SGCD: variants seen among roughly 807,000 people sequenced by gnomAD.
SGCD encodes the protein delta-sarcoglycan.
In SGCD, 18 loss-of-function variants were observed where a neutral mutation model predicts 36.6. The observed-to-expected ratio is 0.49, with a 90% CI of 0.34 to 0.73. The LOEUF is 0.73. SGCD is among the 30% of genes least tolerant of loss of function. The pLI is 0.01. For synonymous variants in SGCD, 133 were observed against 130.6 expected (o/e 1.02, Z -0.12); for missense variants, 387 against 346.7 (o/e 1.12, Z -0.92).
chr5:156,237,193 A>G (rs181429970), intron 3 of SGCD, among the ~76,000 whole-genome samples: 2 of 152,352 alleles, frequency 1.3e-5, no homozygotes, highest in Non-Finnish European at 2.9e-5. Flanking sequence ...GCTATTTTAT[A>G]TCTAAAAGTA....
intron 1 of SGCD, among the ~76,000 whole-genome samples, chr5:155,931,001 T>C (rs895403245): frequency 2.0e-5 from 3 of 152,170 alleles, no homozygotes; most frequent in Non-Finnish European, 2.9e-5. Context: ...TCTCATGAAT[T>C]GTTGCCAAAG....
intron 7 of SGCD, among the ~76,000 whole-genome samples, chr5:156,712,489 C>T (rs1219275989): frequency 2.0e-5 from 3 of 152,158 alleles, no homozygotes; most frequent in South Asian, 2.1e-4. Context: ...CTATACCAAT[C>T]GACTTCTGTA....
intron 3 of SGCD, among the ~76,000 whole-genome samples, chr5:156,229,307 G>A (rs1207932110): frequency 2.3e-4 from 2 of 8,690 alleles, no homozygotes; most frequent in East Asian, 6.3e-3. Context: ...TATAAAATTA[G>A]TTCTTCCATT....
At chr5:155,758,499 A>T in the SGCD span, among the ~76,000 whole-genome samples, 2 of 152,228 alleles carry the variant, frequency 1.3e-5, no homozygotes, top group Non-Finnish European at 2.9e-5. Context: ...GCCCAGGGTT[A>T]TGGACTGGTA....
chr5:156,683,762 G>A (rs1378061946), intron 7 of SGCD, among the ~76,000 whole-genome samples: 1 of 152,144 alleles, frequency 6.6e-6, no homozygotes, highest in East Asian at 1.9e-4. Flanking sequence ...TTAACTCTTG[G>A]ATGCTCAGTT....
At chr5:156,497,020 G>A (rs256840) in intron 3 of SGCD, among the ~76,000 whole-genome samples, 6 of 151,978 alleles carry the variant, frequency 3.9e-5, no homozygotes, top group African/African-American at 1.5e-4. Context: ...TCTTGACTAC[G>A]TAAATGTTCA....
chr5:155,767,548 G>A, the SGCD span, among the ~76,000 whole-genome samples: 6 of 151,492 alleles, frequency 4.0e-5, no homozygotes, highest in African/African-American at 1.5e-4. Flanking sequence ...AGGAACAGCA[G>A]TTTTGAAGAT....
chr5:155,842,334 G>T, the SGCD span, among the ~76,000 whole-genome samples: 1 of 150,912 alleles, frequency 6.6e-6, no homozygotes, highest in Admixed American at 6.6e-5. Context: ...CAGCCCTTTG[G>T]GAGACTGAGG....
At chr5:155,862,791 C>T in the SGCD span, among the ~76,000 whole-genome samples, 1 of 152,128 alleles carries the variant, frequency 6.6e-6, no homozygotes, top group African/African-American at 2.4e-5. Flanking sequence ...ATAACTTGTC[C>T]ACATACCTTT....
chr5:156,008,894 A>G lies in SGCD; in HGVS notation c.-281-108984A>G, dbSNP rs188882727. ...TTGCTTTCTCATTAATGAATTAAAT[A>G]AAATCTTCAGCACATGTTCAGTCTA... is the stretch of plus-strand genomic sequence containing the variant. On this transcript the variant is annotated intron_variant, in intron 1 of 9. Coordinates refer to the SGCD transcript ENST00000517913. Among the ~76,000 whole-genome samples the G allele has an allele frequency of 1.2e-3, 184 of 152,354 alleles. 1 individual carries two copies. Among genetic ancestry groups the G allele is most frequent in the African/African-American group, 4.3e-3 (180 of 41,588 alleles).
At chr5:156,390,575 A>G (rs1771511196) in intron 3 of SGCD, among the ~76,000 whole-genome samples, 1 of 152,176 alleles carries the variant, frequency 6.6e-6, no homozygotes, top group South Asian at 2.1e-4. Context: ...TACTAAATAC[A>G]AAAGATCAGC....
At chr5:156,629,887 G>A (rs1429329847) in intron 6 of SGCD, among the ~76,000 whole-genome samples, 2 of 123,760 alleles carry the variant, frequency 1.6e-5, no homozygotes, top group Non-Finnish European at 3.3e-5. Flanking sequence ...TTTAGATGGA[G>A]TTTCACTCTT....
At chr5:156,049,882 A>G (rs1759871914) in intron 1 of SGCD, among the ~76,000 whole-genome samples, 1 of 146,556 alleles carries the variant, frequency 6.8e-6, no homozygotes. Flanking sequence ...AACTGGAATT[A>G]GAAGTAGAGC....
chr5:156,421,198 T>C (rs908703799), intron 3 of SGCD, among the ~76,000 whole-genome samples: 4 of 152,118 alleles, frequency 2.6e-5, no homozygotes, highest in Admixed American at 1.3e-4. Context: ...AAAATGGAGA[T>C]AGCCTAATTT....
intron 1 of SGCD, among the ~76,000 whole-genome samples, chr5:156,075,681 G>A (rs1005133187): frequency 3.9e-5 from 6 of 152,180 alleles, no homozygotes; most frequent in Non-Finnish European, 8.8e-5. Context: ...AGACTTAAGA[G>A]TCCTTTGTAA....
At chr5:156,002,607 C>T (rs1397689062) in intron 1 of SGCD, among the ~76,000 whole-genome samples, 4 of 152,142 alleles carry the variant, frequency 2.6e-5, no homozygotes, top group African/African-American at 9.7e-5. Context: ...CAGAATATGC[C>T]CTGCTTCACT....
intron 6 of SGCD, among the ~76,000 whole-genome samples, chr5:156,643,403 T>G (rs569836011): frequency 6.6e-6 from 1 of 152,198 alleles, no homozygotes; most frequent in Admixed American, 6.5e-5. Flanking sequence ...GCTTCTTACC[T>G]CTTTGCTTCA....
chr5:155,842,943 T>G, the SGCD span, among the ~76,000 whole-genome samples: 2 of 152,214 alleles, frequency 1.3e-5, no homozygotes, highest in African/African-American at 4.8e-5. Flanking sequence ...TTCGATTCTT[T>G]TCTGCAGCCT....
chr5:156,098,637 T>TACACAC (rs1347246031), intron 1 of SGCD, among the ~76,000 whole-genome samples: 281 of 119,322 alleles, frequency 2.4e-3, no homozygotes, highest in Non-Finnish European at 3.5e-3. Flanking sequence ...GTTGCATGTG[T>TACACAC]ATACACACAC....
Sources: gnomAD v4.1 joint callset for allele counts (sites outside exome capture counted in the v4.1 genomes callset) on GRCh38, gnomAD v4.1.1 for gene constraint, MANE v1.5 for transcripts, NCBI Gene and HGNC (gene_info 2026-07-23, HGNC 2026-07-21) for gene names.